The following TBC1D10A variants were observed in gnomAD, a reference collection of about 807,000 sequenced individuals.
TBC1D10A encodes the protein TBC1 domain family member 10A.
A neutral mutation model predicts 52.9 loss-of-function variants in TBC1D10A; 24 were observed. The observed-to-expected ratio is 0.45, with a 90% confidence interval of 0.33 to 0.64. TBC1D10A has a LOEUF of 0.64. Among genes scored for constraint, TBC1D10A ranks in the 30% least tolerant of loss-of-function variants. TBC1D10A has a pLI of 0.02. For synonymous variants in TBC1D10A, 278 were observed against 282.9 expected (o/e 0.98, Z 0.17); for missense variants, 602 against 687.9 (o/e 0.88, Z 1.40).
At position 30,294,057 on chromosome 22, in the gene TBC1D10A, C is replaced by T. The variant is rs146729845; in HGVS notation, c.759G>A (p.Ser253=). 2.9e-5 allele frequency: 46 copies of T among 1,613,976 alleles called. No homozygotes were observed. The highest frequency in any genetic ancestry group is 1.4e-4 in the South Asian group (13 of 91,090). Residue 253 remains serine (S), a synonymous_variant, in exon 7 of 9, where the codon TCG becomes TCA. Transcript: ENST00000215790. Reference sequence around the variant, plus strand: ...GGCTGAGGTGCTTGTGGGCCACCGGCGACACCTTCTGCAACAGCGAGAAAA... The same window carrying T: ...GGCTGAGGTGCTTGTGGGCCACCGGTGACACCTTCTGCAACAGCGAGAAAA... The part of the protein sequence containing the change: ...EILFSLLQKV[S]PVAHKHLSRQ...
chr22:30,296,137 T>G, intron 3 of TBC1D10A: 1 of 363,664 alleles, frequency 2.7e-6, no homozygotes, highest in Non-Finnish European at 5.1e-6. Flanking sequence ...CTCTAGACAT[T>G]TCATTCGGGA....
Position 30,295,860 on chromosome 22 carries a change from A to G in TBC1D10A, c.418-17T>C, listed in dbSNP as rs758218390. The G allele has an allele frequency of 6.2e-7, 1 of 1,607,338 alleles. No homozygotes were observed. Among genetic ancestry groups the G allele is most frequent in the South Asian group, 1.1e-5 (1 of 90,708 alleles). On this transcript the variant is annotated splice_polypyrimidine_tract_variant and intron_variant, in intron 3 of 8. Coordinates refer to ENST00000215790, the MANE Select transcript of TBC1D10A (RefSeq NM_031937.3). ...GTCCAGCTCCTAGAAGCAAGGGCAC[A>G]AATTAGGGGCTGGGGAGGATGGAGG... is the stretch of plus-strand genomic sequence containing the variant.
At position 30,316,377 on chromosome 22, in the gene TBC1D10A, G is replaced by C. The variant is rs542613499; in HGVS notation, c.209+10296C>G. On this transcript the variant is annotated intron_variant, in intron 1 of 8. Transcript: ENST00000215790. ...GGAACAGAGCATGCTGGGAGCAGTG[G>C]TTTCTGTGGCATGTGCCATGGTGAC... Among the ~76,000 whole-genome samples, 4 of 152,180 alleles carry C rather than the reference G, an allele frequency of 2.6e-5. No homozygotes were observed. In the South Asian group the frequency reaches 8.3e-4, roughly 32 times the overall value.
chr22:30,311,546 C>A (rs1455342047), intron 1 of TBC1D10A, among the ~76,000 whole-genome samples: 2 of 152,170 alleles, frequency 1.3e-5, no homozygotes, highest in African/African-American at 4.8e-5. Context: ...TGGCTCTGCT[C>A]CTTCTAGTGC....
intron 6 of TBC1D10A, 92 bp from the exon 7 acceptor site, chr22:30,294,202 C>G: frequency 7.0e-7 from 1 of 1,427,144 alleles, no homozygotes; most frequent in Non-Finnish European, 9.6e-7. Context: ...CAGCACCCAG[C>G]AGGCTCAGGC....
chr22:30,295,056 C>CTG lies in TBC1D10A; in HGVS notation c.525-3_525-2dup, dbSNP rs774136620. On this transcript the variant is annotated splice_acceptor_variant, in intron 4 of 8. Transcript: ENST00000215790. LOFTEE classifies it high-confidence loss of function. ...CAGCACACGGAATAGGTCCTGCTGG[C>CTG]TGTGGAGAGGCCGGGCAGAGCAGTG... 3.1e-6 allele frequency: 5 copies of CTG among 1,613,564 alleles called. No individual in the cohort carries two copies. Among genetic ancestry groups the CTG allele is most frequent in the Non-Finnish European group, 3.4e-6 (4 of 1,179,984 alleles).
Position 30,297,420 on chromosome 22 carries a change from G to C in TBC1D10A, c.418-1577C>G, listed in dbSNP as rs1011025363. 1 of 152,368 alleles carries C rather than the reference G, an allele frequency of 6.6e-6. No individual in the cohort carries two copies. The highest frequency in any genetic ancestry group is 6.5e-5 in the Admixed American group (1 of 15,304). The allele number at this position is 152,368 out of a possible 1,614,324, so 9.4% of individuals were successfully genotyped here. Reference sequence around the variant, plus strand: ...ATGAGGTAGGAACCCGAAAACCCCGGAAGTCAGTTCCTAGGATGTGTTCAT... The same window carrying C: ...ATGAGGTAGGAACCCGAAAACCCCGCAAGTCAGTTCCTAGGATGTGTTCAT... On this transcript the variant is annotated intron_variant, in intron 3 of 8. Coordinates refer to ENST00000215790, the MANE Select transcript of TBC1D10A (RefSeq NM_031937.3). This position sits in a 1 kb window ranked among gnomAD's most constrained non-coding sequence, Gnocchi z 4.3.
At chr22:30,299,612 C>A in intron 2 of TBC1D10A, 61 bp from the exon 3 acceptor site, 2 of 1,526,122 alleles carry the variant, frequency 1.3e-6, no homozygotes, top group South Asian at 2.3e-5. Context: ...CTAGCCCAGC[C>A]CCTCTGCCAA....
Position 30,304,586 on chromosome 22 carries a change from T to G in TBC1D10A, c.254A>C (p.Lys85Thr). Residue 85 changes from lysine (K) to threonine (T), a missense_variant, in exon 2 of 9, where the codon AAG (lysine) becomes ACG (threonine). Around this residue, in one of 3 missense-constraint regions of TBC1D10A, gnomAD observed 201 missense variants for 204.4 expected, o/e 0.98. Transcript: ENST00000215790. ...PLEVLRQRES[K>T]WLDMLNNWDK... is the part of the protein sequence containing the mutation. ...CCAGTTGTTGAGCATGTCCAGCCAC[T>G]TGGACTCCCTCTGCCTCAGCACCTC... 6.2e-7 allele frequency: 1 copy of G among 1,614,066 alleles called. No homozygotes were observed. The highest frequency in any genetic ancestry group is 8.5e-7 in the Non-Finnish European group (1 of 1,179,952).
At chr22:30,301,363 G>A (rs549849779) in intron 2 of TBC1D10A, among the ~76,000 whole-genome samples, 7 of 152,306 alleles carry the variant, frequency 4.6e-5, no homozygotes, top group South Asian at 4.1e-4. Flanking sequence ...ATGGGCGCTC[G>A]GGGCATGAGA....
chr22:30,315,204 G>A (rs1930510536), intron 1 of TBC1D10A, among the ~76,000 whole-genome samples: 1 of 152,168 alleles, frequency 6.6e-6, no homozygotes, highest in African/African-American at 2.4e-5. Flanking sequence ...AAGAGCACGT[G>A]AGGGAAGCCA....
At chr22:30,325,915 TAG>T (rs1930760045) in intron 1 of TBC1D10A, among the ~76,000 whole-genome samples, 1 of 152,074 alleles carries the variant, frequency 6.6e-6, no homozygotes, top group Non-Finnish European at 1.5e-5. Flanking sequence ...TGGTCTGTCC[TAG>T]TGGTGGGGCT....
chr22:30,325,761 G>A (rs1930755409), intron 1 of TBC1D10A, among the ~76,000 whole-genome samples: 1 of 152,082 alleles, frequency 6.6e-6, no homozygotes, highest in South Asian at 2.1e-4. Flanking sequence ...ATAGGACATC[G>A]GGGGGTGCTA....
intron 2 of TBC1D10A, among the ~76,000 whole-genome samples, chr22:30,301,427 T>C (rs952502417): frequency 8.5e-5 from 13 of 152,170 alleles, no homozygotes; most frequent in Non-Finnish European, 1.5e-4. Flanking sequence ...CAACCACTTC[T>C]CAACTGTAAG....
chr22:30,299,531 C>T lies in TBC1D10A; in HGVS notation c.330G>A (p.Lys110=). The part of the protein sequence containing the change: ...KHKKIRLRCQ[K]GIPPSLRGRA... Reference sequence around the variant, plus strand: ...GGCCCCGCAGAGAAGGCGGGATGCCCTTTTGGCACCGCAGACGAATCTGAA... The same window carrying T: ...GGCCCCGCAGAGAAGGCGGGATGCCTTTTTGGCACCGCAGACGAATCTGAA... Residue 110 remains lysine, a synonymous_variant, in exon 3 of 9, where the codon AAG becomes AAA. Transcript: ENST00000215790. 1 of 1,614,118 alleles carries T rather than the reference C, an allele frequency of 6.2e-7. No individual in the cohort carries two copies. Among genetic ancestry groups the T allele is most frequent in the Non-Finnish European group, 8.5e-7 (1 of 1,179,978 alleles).
Position 30,316,304 on chromosome 22 carries a change from A to AGTAAGACCCT in TBC1D10A, c.209+10359_209+10368dup, listed in dbSNP as rs571460888. ...AGTTTAAGACCAAGCTGGGCAAAAA[A>AGTAAGACCCT]GTAAGACCCTGTCTCAATCAATCAA... On this transcript the variant is annotated intron_variant, in intron 1 of 8. Transcript: ENST00000215790. Among the ~76,000 whole-genome samples the AGTAAGACCCT allele has an allele frequency of 1.3e-3, 197 of 152,250 alleles. 1 individual carries two copies. The highest frequency in any genetic ancestry group is 4.5e-3 in the African/African-American group (187 of 41,550).
In TBC1D10A at chr22:30,297,758, T is replaced by C. The variant is rs1240405340; in HGVS notation, c.417+1686A>G. ...TGGGATGGGCCACCTGGACTGGGTA[T>C]TGAATGGAGGGCCCTGTGGGGAGAG... is the stretch of plus-strand genomic sequence containing the variant. On this transcript the variant is annotated intron_variant, in intron 3 of 8. Coordinates refer to ENST00000215790, the MANE Select transcript of TBC1D10A (RefSeq NM_031937.3). The surrounding 1 kb of genome is among the most constrained non-coding windows in gnomAD (Gnocchi z 4.3). The C allele has an allele frequency of 6.6e-6, 1 of 152,274 alleles. No individual in the cohort carries two copies. Among genetic ancestry groups the C allele is most frequent in the African/African-American group, 2.4e-5 (1 of 41,402 alleles). 9.4% of individuals were successfully genotyped at this position (152,274 alleles called of 1,614,324 possible).
chr22:30,302,588 C>T (rs371494768), intron 2 of TBC1D10A, among the ~76,000 whole-genome samples: 3 of 152,214 alleles, frequency 2.0e-5, no homozygotes, highest in African/African-American at 7.2e-5. Context: ...AGGGCAGGGC[C>T]CAGTATGGCC....
At chr22:30,316,466 T>TG (rs910478701) in intron 1 of TBC1D10A, among the ~76,000 whole-genome samples, 15 of 151,812 alleles carry the variant, frequency 9.9e-5, no homozygotes, top group Middle Eastern at 3.4e-3. Context: ...TTTTTGTTTT[T>TG]TTTTTTTTGA....
Sources: gnomAD v4.1 joint callset for allele counts (sites outside exome capture counted in the v4.1 genomes callset) on GRCh38, gnomAD v4.1.1 for gene constraint, gnomAD v4.1.1 regional missense constraint, Gnocchi (gnomAD v3.1) non-coding constraint, MANE v1.5 for transcripts, NCBI Gene and HGNC (gene_info 2026-07-23, HGNC 2026-07-21) for gene names.